Variants in IGF2BP2 observed in about 807,000 individuals in gnomAD.
IGF2BP2 encodes insulin like growth factor 2 mRNA binding protein 2, also known as insulin-like growth factor 2 mRNA-binding protein 2.
Under a neutral mutation model 75.8 loss-of-function variants are expected in IGF2BP2, and 17 were observed. The ratio of observed to expected loss-of-function variants is 0.22; its 90% CI spans 0.15 to 0.34. The LOEUF is 0.34. IGF2BP2 is among the 10% of genes least tolerant of loss of function. The pLI is 1.00. For missense variants in IGF2BP2, 516 were observed against 772.4 expected (o/e 0.67, Z 3.93); for synonymous variants, 288 against 295.6 (o/e 0.97, Z 0.26).
Position 185,751,740 on chromosome 3 carries a change from G to A in IGF2BP2, c.240-53393C>T, listed in dbSNP as rs143275544. ...AGCACTTTGGGAGGCCGAGACGGGCGGATCACGAGGTCAAGAGATTGAGAC... is the reference window on the plus strand; with the variant it reads ...AGCACTTTGGGAGGCCGAGACGGGCAGATCACGAGGTCAAGAGATTGAGAC... On this transcript the variant is annotated intron_variant, in intron 2 of 15. Transcript: ENST00000382199. Among the ~76,000 whole-genome samples the A allele has an allele frequency of 4.5e-3, 685 of 152,036 alleles. 10 individuals carry two copies. The highest frequency in any genetic ancestry group is 0.027 in the Admixed American group (408 of 15,288).
intron 2 of IGF2BP2, among the ~76,000 whole-genome samples, chr3:185,793,982 G>A (rs1382077056): frequency 1.7e-4 from 23 of 139,308 alleles, no homozygotes; most frequent in Non-Finnish European, 2.6e-4. Flanking sequence ...TTTTTGAGAC[G>A]GAGTCTTGCT....
chr3:185,798,623 C>T (rs565838387), intron 2 of IGF2BP2, among the ~76,000 whole-genome samples: 11 of 152,164 alleles, frequency 7.2e-5, no homozygotes, highest in Middle Eastern at 3.4e-3. Context: ...TTGATCAGGA[C>T]GTTAACACCC....
chr3:185,762,744 G>T (rs1732547975), intron 2 of IGF2BP2, among the ~76,000 whole-genome samples: 1 of 152,200 alleles, frequency 6.6e-6, no homozygotes, highest in East Asian at 1.9e-4. Flanking sequence ...CTTCAAGAGG[G>T]GAGAAAAGTC....
Position 185,677,025 on chromosome 3 carries a change from A to ATATATATAT in IGF2BP2, c.813-1113_813-1112insATATATATA, listed in dbSNP as rs1223557818. On this transcript the variant is annotated intron_variant, in intron 7 of 15. Transcript: ENST00000382199. ...ATGGAGAGATTATATATATGGAGAG[A>ATATATATAT]GATATATATATATATGGAGATATAT... Among the ~76,000 whole-genome samples, 49 of 111,406 alleles carry ATATATATAT rather than the reference A, an allele frequency of 4.4e-4. 2 individuals are homozygous for ATATATATAT. Among genetic ancestry groups the ATATATATAT allele is most frequent in the African/African-American group, 1.7e-3 (48 of 27,634 alleles). The allele number at this position is 111,406 out of a possible 152,430, so 73.1% of individuals were successfully genotyped here.
chr3:185,665,410 AAGG>A (rs1429284326), intron 10 of IGF2BP2, among the ~76,000 whole-genome samples: 4 of 26,556 alleles, frequency 1.5e-4, no homozygotes, highest in African/African-American at 4.3e-4. Context: ...GGAGAAGGAA[AAGG>A]AGGAGAAGGA....
chr3:185,723,180 G>A (rs1223187733), intron 2 of IGF2BP2, among the ~76,000 whole-genome samples: 6 of 152,188 alleles, frequency 3.9e-5, no homozygotes, highest in Non-Finnish European at 8.8e-5. Flanking sequence ...ATCAAATCCA[G>A]TCGGCCACAG....
At chr3:185,658,568 C>A (rs1715857185) in intron 10 of IGF2BP2, among the ~76,000 whole-genome samples, 159 bp from the exon 11 acceptor site, 1 of 152,256 alleles carries the variant, frequency 6.6e-6, no homozygotes, top group Admixed American at 6.5e-5. Flanking sequence ...CAGATCTCTG[C>A]TCCACTTCTC....
At chr3:185,652,515 G>C (rs1406690972) in intron 12 of IGF2BP2, among the ~76,000 whole-genome samples, 1 of 152,162 alleles carries the variant, frequency 6.6e-6, no homozygotes, top group Non-Finnish European at 1.5e-5. Context: ...GGGATGTGTA[G>C]GCTCTGCCAA....
At chr3:185,783,419 G>C (rs182728464) in intron 2 of IGF2BP2, among the ~76,000 whole-genome samples, 35 of 152,300 alleles carry the variant, frequency 2.3e-4, no homozygotes, top group Non-Finnish European at 4.4e-4. Flanking sequence ...GATTGCCAAG[G>C]TCAGCAAAAG....
intron 7 of IGF2BP2, among the ~76,000 whole-genome samples, chr3:185,682,406 A>G (rs1037377401): frequency 3.7e-4 from 56 of 152,160 alleles, no homozygotes; most frequent in Non-Finnish European, 3.2e-4. Flanking sequence ...GCCTTCCACC[A>G]TAGGATAACC....
intron 10 of IGF2BP2, among the ~76,000 whole-genome samples, chr3:185,669,559 T>TAAA (rs1173087336): frequency 7.2e-5 from 3 of 41,432 alleles, no homozygotes; most frequent in East Asian, 1.1e-3. Context: ...AGAAAAACAG[T>TAAA]AAAAAAAAAA....
chr3:185,804,864 G>A (rs927907611), intron 2 of IGF2BP2, among the ~76,000 whole-genome samples: 1 of 151,252 alleles, frequency 6.6e-6, no homozygotes, highest in Non-Finnish European at 1.5e-5. Context: ...TGGGTGGCGG[G>A]TGCCTGTAGT....
chr3:185,706,918 T>A (rs1724103185), intron 2 of IGF2BP2, among the ~76,000 whole-genome samples: 1 of 151,970 alleles, frequency 6.6e-6, no homozygotes, highest in African/African-American at 2.4e-5. Flanking sequence ...ATTTTTATAT[T>A]TTTATTAGAG....
chr3:185,749,113 G>A (rs1157574289), intron 2 of IGF2BP2, among the ~76,000 whole-genome samples: 5 of 152,056 alleles, frequency 3.3e-5, no homozygotes, highest in Non-Finnish European at 7.4e-5. Context: ...GCAGTGAGCC[G>A]AGATCACGCC....
intron 5 of IGF2BP2, among the ~76,000 whole-genome samples, chr3:185,691,735 C>T (rs1246969057): frequency 2.6e-5 from 4 of 152,022 alleles, no homozygotes; most frequent in South Asian, 2.1e-4. Flanking sequence ...CCACCACATC[C>T]GGCTGTTGTT....
chr3:185,660,022 G>A (rs1716167497), intron 10 of IGF2BP2, among the ~76,000 whole-genome samples: 1 of 152,182 alleles, frequency 6.6e-6, no homozygotes, highest in African/African-American at 2.4e-5. Flanking sequence ...TTGAACTCCT[G>A]ACCTCAAGTG....
intron 2 of IGF2BP2, among the ~76,000 whole-genome samples, chr3:185,803,951 C>G (rs1172356245): frequency 1.3e-5 from 2 of 152,012 alleles, no homozygotes; most frequent in Non-Finnish European, 2.9e-5. Context: ...TGGTGAAACC[C>G]TATCTCTACT....
At chr3:185,661,891 G>A (rs1001090381) in intron 10 of IGF2BP2, among the ~76,000 whole-genome samples, 1 of 152,074 alleles carries the variant, frequency 6.6e-6, no homozygotes, top group Admixed American at 6.5e-5. Flanking sequence ...GGGAGGAGAT[G>A]GAGCCCCAGA....
In IGF2BP2 at chr3:185,744,982, G is replaced by A. The variant is rs558318305; in HGVS notation, c.240-46635C>T. The stretch of plus-strand genomic sequence containing the variant: ...TTAGGTTGTTTCTAAATTTATTTCC[G>A]AAAGGACCAGAGGGCCTTTATTTCT... On this transcript the variant is annotated intron_variant, in intron 2 of 15. Coordinates refer to ENST00000382199, the MANE Select transcript of IGF2BP2 (RefSeq NM_006548.6). Among the ~76,000 whole-genome samples the A allele has an allele frequency of 1.6e-4, 25 of 152,062 alleles. No homozygotes were observed. In the South Asian group the frequency reaches 1.9e-3, roughly 11 times the overall value.
Sources: gnomAD v4.1 joint callset for allele counts (sites outside exome capture counted in the v4.1 genomes callset) on GRCh38, gnomAD v4.1.1 for gene constraint, MANE v1.5 for transcripts, NCBI Gene and HGNC (gene_info 2026-07-23, HGNC 2026-07-21) for gene names.